GRHL2: variants seen among roughly 807,000 people sequenced by gnomAD.
GRHL2 encodes the protein grainyhead like transcription factor 2, also known as grainyhead-like protein 2 homolog.
In GRHL2, 21 loss-of-function variants were observed where a neutral mutation model predicts 83.8. The ratio of observed to expected loss-of-function variants is 0.25; its 90% CI spans 0.18 to 0.36. The LOEUF (loss-of-function observed/expected upper bound fraction) is 0.36. Ranked by LOEUF, GRHL2 falls within the 10% of genes least tolerant of loss-of-function variation. The pLI is 1.00. For missense variants in GRHL2, 623 were observed against 781.8 expected (o/e 0.80, Z 2.42); for synonymous variants, 280 against 278.9 (o/e 1.00, Z -0.04).
At chr8:101,640,140 T>C (rs6986959) in intron 12 of GRHL2, among the ~76,000 whole-genome samples, 18,202 of 152,254 alleles carry the variant, frequency 0.12, 2,363 homozygotes, top group African/African-American at 0.33. Flanking sequence ...AAAAATATCA[T>C]GCCAGTCAGC....
chr8:101,593,020 C>T (rs1812319452), intron 7 of GRHL2, among the ~76,000 whole-genome samples: 1 of 150,354 alleles, frequency 6.7e-6, no homozygotes, highest in Non-Finnish European at 1.5e-5. Flanking sequence ...GATCTCGGCT[C>T]ACTGCAACCT....
At chr8:101,542,437 C>G (rs958589304) in intron 1 of GRHL2, among the ~76,000 whole-genome samples, 59 of 151,928 alleles carry the variant, frequency 3.9e-4, no homozygotes, top group Non-Finnish European at 1.9e-4. Flanking sequence ...TGCCTGTAAT[C>G]CCACTTACTT....
chr8:101,502,517 C>T (rs561704499), intron 1 of GRHL2, among the ~76,000 whole-genome samples: 46 of 152,184 alleles, frequency 3.0e-4, no homozygotes, highest in Non-Finnish European at 3.8e-4. Context: ...CTAGCGGACT[C>T]CCGCACAGCC....
At chr8:101,661,411 C>T (rs574088885) in intron 14 of GRHL2, among the ~76,000 whole-genome samples, 3 of 152,056 alleles carry the variant, frequency 2.0e-5, no homozygotes, top group African/African-American at 7.3e-5. Flanking sequence ...TTCCAGGACA[C>T]CTCCCCCAAA....
chr8:101,510,274 G>T (rs916763736), intron 1 of GRHL2, among the ~76,000 whole-genome samples: 1 of 152,140 alleles, frequency 6.6e-6, no homozygotes, highest in East Asian at 1.9e-4. Context: ...TGGGATTACA[G>T]GCATGAGCCA....
chr8:101,551,171 A>G (rs542735826), intron 2 of GRHL2, among the ~76,000 whole-genome samples: 2 of 152,338 alleles, frequency 1.3e-5, no homozygotes, highest in African/African-American at 4.8e-5. Flanking sequence ...AATGCCTGGT[A>G]TAGTATACAC....
At chr8:101,625,241 C>A (rs1327869047) in intron 9 of GRHL2, among the ~76,000 whole-genome samples, 2 of 151,938 alleles carry the variant, frequency 1.3e-5, no homozygotes, top group East Asian at 3.9e-4. Flanking sequence ...AATAGAGGAA[C>A]CTGGCAATCC....
chr8:101,574,661 T>TG, intron 6 of GRHL2, among the ~76,000 whole-genome samples: 1 of 152,290 alleles, frequency 6.6e-6, no homozygotes. Flanking sequence ...CCAGTGCAGG[T>TG]GGGGCGCAGG....
In GRHL2 at chr8:101,508,790, A is replaced by G. The variant is rs575922808; in HGVS notation, c.20+16001A>G. On this transcript the variant is annotated intron_variant, in intron 1 of 15. Coordinates refer to ENST00000646743, the MANE Select transcript of GRHL2 (RefSeq NM_024915.4). ...TGACTATATGATTTATAGAGTGCCT[A>G]TAGCCAGACACAAAGCTGGGCACCA... Among the ~76,000 whole-genome samples, 9 of 152,310 alleles carry G rather than the reference A, an allele frequency of 5.9e-5. No individual in the cohort carries two copies. The East Asian group carries it at 1.2e-3, about 20-fold the overall frequency.
At chr8:101,499,278 A>G (rs1384631639) in intron 1 of GRHL2, among the ~76,000 whole-genome samples, 1 of 152,240 alleles carries the variant, frequency 6.6e-6, no homozygotes, top group African/African-American at 2.4e-5. Context: ...TTTATGGCTT[A>G]TGGTCTAACT....
intron 1 of GRHL2, among the ~76,000 whole-genome samples, chr8:101,497,420 C>A (rs2129957811): frequency 1.3e-5 from 2 of 152,328 alleles, no homozygotes; most frequent in Admixed American, 1.3e-4. Context: ...TCTGGAGGAA[C>A]ACTGCATAGC....
At position 101,668,654 on chromosome 8, in the gene GRHL2, G is replaced by A. The variant is rs770868743; in HGVS notation, c.*1951G>A. Reference sequence around the variant, plus strand: ...ACCAGCAGCTTGGGGACCCTCCAGGGTACTAATGGGGCTCTGTTCTGAGAT... The same window carrying A: ...ACCAGCAGCTTGGGGACCCTCCAGGATACTAATGGGGCTCTGTTCTGAGAT... On this transcript the variant is annotated 3_prime_UTR_variant, in exon 16 of 16. Transcript: ENST00000646743. 2 of 152,776 alleles carry A rather than the reference G, an allele frequency of 1.3e-5. No individual in the cohort carries two copies. Among genetic ancestry groups the A allele is most frequent in the Non-Finnish European group, 2.9e-5 (2 of 68,400 alleles). 9.5% of individuals were successfully genotyped at this position (152,776 alleles called of 1,614,324 possible). A position where few individuals can be genotyped will look rare whatever the true frequency, so the allele number is the denominator to read the frequency against.
At chr8:101,639,955 G>T (rs1813366408) in intron 12 of GRHL2, among the ~76,000 whole-genome samples, 1 of 152,210 alleles carries the variant, frequency 6.6e-6, no homozygotes, top group Non-Finnish European at 1.5e-5. Flanking sequence ...TGACCAGACT[G>T]AGGATATAAC....
At chr8:101,617,796 C>G (rs534396808) in intron 8 of GRHL2, among the ~76,000 whole-genome samples, 1 of 152,130 alleles carries the variant, frequency 6.6e-6, no homozygotes, top group South Asian at 2.1e-4. Flanking sequence ...TGAGCCACCA[C>G]GCCCGGCTGA....
chr8:101,614,169 G>T (rs1812809372), intron 8 of GRHL2, among the ~76,000 whole-genome samples: 1 of 150,928 alleles, frequency 6.6e-6, no homozygotes, highest in African/African-American at 2.5e-5. Context: ...TATAATTTCA[G>T]CAAAGTCACT....
intron 1 of GRHL2, among the ~76,000 whole-genome samples, chr8:101,506,405 A>G (rs879526407): frequency 6.6e-6 from 1 of 152,214 alleles, no homozygotes; most frequent in Non-Finnish European, 1.5e-5. Flanking sequence ...ATGTGCATGC[A>G]TAGTATATCA....
chr8:101,534,793 G>A (rs148493039), intron 1 of GRHL2, among the ~76,000 whole-genome samples: 2,762 of 152,302 alleles, frequency 0.018, 37 homozygotes, highest in Non-Finnish European at 0.022. Context: ...ATGACTTCAA[G>A]TATTGCAACT....
In GRHL2 at chr8:101,652,613, GGT is replaced by G. The variant is rs141292154; in HGVS notation, c.1698+3129_1698+3130del. Among the ~76,000 whole-genome samples, 887 of 123,668 alleles carry G rather than the reference GGT, an allele frequency of 7.2e-3. 70 individuals carry two copies. Among genetic ancestry groups the G allele is most frequent in the African/African-American group, 0.027 (782 of 28,684 alleles). The allele number at this position is 123,668 out of a possible 152,430, so 81.1% of individuals were successfully genotyped here. The stretch of plus-strand genomic sequence containing the variant: ...CTGTGTGTGTGTGGTGTGTGTGTGT[GGT>G]GTGTGTGTGTGTGTACTATACAGAC... On this transcript the variant is annotated intron_variant, in intron 14 of 15. Coordinates refer to ENST00000646743, the MANE Select transcript of GRHL2 (RefSeq NM_024915.4).
At chr8:101,648,710 G>A (rs1485821471) in intron 13 of GRHL2, among the ~76,000 whole-genome samples, 2 of 152,064 alleles carry the variant, frequency 1.3e-5, no homozygotes, top group African/African-American at 4.8e-5. Flanking sequence ...TCCCTCCCAG[G>A]CCTGTGCAAG....
Sources: allele counts gnomAD v4.1 joint callset (sites outside exome capture counted in the v4.1 genomes callset), GRCh38; gene constraint gnomAD v4.1.1; transcripts MANE v1.5; gene names NCBI Gene and HGNC (gene_info 2026-07-23, HGNC 2026-07-21).